SKAP2: variants seen among roughly 807,000 people sequenced by gnomAD.
The protein encoded by SKAP2 is src kinase associated phosphoprotein 2.
Under a neutral mutation model 54.9 loss-of-function variants are expected in SKAP2, and 28 were observed. That is an observed-to-expected ratio of 0.51 (90% confidence interval 0.38 to 0.70). The LOEUF is 0.70. SKAP2 is among the 30% of genes least tolerant of loss of function. SKAP2 has a pLI of 0.00. For missense variants in SKAP2, 356 were observed against 424.1 expected (o/e 0.84, Z 1.41); for synonymous variants, 137 against 134.3 (o/e 1.02, Z -0.14).
chr7:26,683,692 T>C (rs1318227600), intron 11 of SKAP2, among the ~76,000 whole-genome samples: 1 of 152,202 alleles, frequency 6.6e-6, no homozygotes, highest in Non-Finnish European at 1.5e-5. Context: ...AGAATTAGAT[T>C]ATCATCATTG....
downstream of SKAP2, among the ~76,000 whole-genome samples, chr7:26,663,955 G>C (rs904457221): frequency 2.0e-5 from 3 of 152,178 alleles, no homozygotes; most frequent in Admixed American, 6.6e-5. Context: ...TTCCTGACTA[G>C]TGAGCCAAAT....
intron 11 of SKAP2, among the ~76,000 whole-genome samples, chr7:26,679,550 A>G (rs1055894838): frequency 1.3e-5 from 2 of 152,230 alleles, no homozygotes; most frequent in Non-Finnish European, 2.9e-5. Context: ...TCTTCTTATC[A>G]AAAGGCTATA....
chr7:26,692,195 G>T (rs2237327), intron 9 of SKAP2, among the ~76,000 whole-genome samples: 1 of 89,740 alleles, frequency 1.1e-5, no homozygotes, highest in African/African-American at 6.7e-5. Flanking sequence ...GAGGAATGAG[G>T]GGGGGGAAAA....
rs1786177154 is a variant in SKAP2, at chr7:26,669,130, A to G, written c.*536T>C. On this transcript the variant is annotated 3_prime_UTR_variant, in exon 13 of 13. Coordinates refer to ENST00000345317, the MANE Select transcript of SKAP2 (RefSeq NM_003930.5). ...CTTAATAGGAATTAAATGTGTGAAA[A>G]TAAATAATAACAATAAAGTTATCTA... The G allele has an allele frequency of 6.6e-6, 1 of 152,200 alleles. No homozygotes were observed. Among genetic ancestry groups the G allele is most frequent in the African/African-American group, 2.4e-5 (1 of 41,448 alleles). 9.4% of individuals were successfully genotyped at this position (152,200 alleles called of 1,614,324 possible). A position where few individuals can be genotyped will look rare whatever the true frequency, so the allele number is the denominator to read the frequency against.
chr7:26,798,922 C>A (rs978404623), intron 4 of SKAP2, among the ~76,000 whole-genome samples: 1 of 151,024 alleles, frequency 6.6e-6, no homozygotes, highest in Non-Finnish European at 1.5e-5. Flanking sequence ...AACGGACACA[C>A]AAGACATAAA....
At chr7:26,748,760 A>G (rs565418715) in intron 4 of SKAP2, among the ~76,000 whole-genome samples, 21 of 152,274 alleles carry the variant, frequency 1.4e-4, no homozygotes, top group Non-Finnish European at 1.3e-4. Flanking sequence ...TTATAAAATT[A>G]AATATATACA....
intron 4 of SKAP2, among the ~76,000 whole-genome samples, chr7:26,790,495 G>C (rs1167810794): frequency 6.6e-6 from 1 of 152,132 alleles, no homozygotes; most frequent in African/African-American, 2.4e-5. Context: ...GAACAAACCA[G>C]TTTTCAGAAG....
intron 4 of SKAP2, among the ~76,000 whole-genome samples, chr7:26,833,470 G>A (rs887569015): frequency 2.0e-5 from 3 of 151,532 alleles, no homozygotes; most frequent in Non-Finnish European, 4.4e-5. Context: ...CTGTATTCAG[G>A]AGACCCATCT....
At chr7:26,729,797 T>G (rs1787784935) in intron 6 of SKAP2, among the ~76,000 whole-genome samples, 1 of 151,682 alleles carries the variant, frequency 6.6e-6, no homozygotes, top group African/African-American at 2.4e-5. Context: ...GGAAGAAGAG[T>G]AATAAATAAA....
chr7:26,678,405 G>C (rs971559750), intron 11 of SKAP2, among the ~76,000 whole-genome samples: 1 of 151,602 alleles, frequency 6.6e-6, no homozygotes, highest in Non-Finnish European at 1.5e-5. Context: ...AAGTATTTGA[G>C]GAATATAACA....
chr7:26,736,440 G>A lies in SKAP2; in HGVS notation c.469+2355C>T, dbSNP rs537015344. On this transcript the variant is annotated intron_variant, in intron 6 of 12. Coordinates refer to ENST00000345317, the MANE Select transcript of SKAP2 (RefSeq NM_003930.5). ...AGTTACCCTATATGGCTTAAAAAGG[G>A]GGAGAAACCCTCAGTTCTGAGAATT... Among the ~76,000 whole-genome samples the A allele has an allele frequency of 5.2e-4, 79 of 152,300 alleles. 1 individual carries two copies. The East Asian group carries it at 0.013, about 24-fold the overall frequency.
rs759760076 is a variant in SKAP2 at position 26,684,780 on chromosome 7, C to T, written c.943G>A (p.Glu315Lys). The T allele has an allele frequency of 1.2e-6, 2 of 1,612,872 alleles. No homozygotes were observed. Among genetic ancestry groups the T allele is most frequent in the Admixed American group, 1.7e-5 (1 of 59,976 alleles). The change falls in exon 11 of 13, where the codon GAG becomes AAG. Residue 315 changes from glutamate to lysine, a missense_variant. Physicochemically the swap from Glu to Lys is moderately conservative, Grantham distance 56. Transcript: ENST00000345317. The stretch of plus-strand genomic sequence containing the variant: ...ACATCACCACGCTTAAATGACAACT[C>T]ATCAGAAAAAGCTCCAGTACAATCC... Reference protein sequence around the residue: ...LWDCTGAFSDELSFKRGDVIY... With the variant: ...LWDCTGAFSDKLSFKRGDVIY...
At chr7:26,660,005 T>G in the SKAP2 span, among the ~76,000 whole-genome samples, 1 of 152,118 alleles carries the variant, frequency 6.6e-6, no homozygotes, top group Non-Finnish European at 1.5e-5. Context: ...AAACCCATGG[T>G]AATTGTTTTA....
intron 6 of SKAP2, among the ~76,000 whole-genome samples, 155 bp downstream of exon 6, chr7:26,738,640 T>A (rs1782362965): frequency 6.6e-6 from 1 of 152,192 alleles, no homozygotes; most frequent in Admixed American, 6.5e-5. Flanking sequence ...ATTTGTCAAA[T>A]AATGAAATGA....
chr7:26,817,388 T>A (rs1214557084), intron 4 of SKAP2, among the ~76,000 whole-genome samples: 1 of 152,076 alleles, frequency 6.6e-6, no homozygotes, highest in Admixed American at 6.6e-5. Context: ...ACGGACACTA[T>A]TAAAACTCAG....
At chr7:26,844,177 C>T (rs1784877543) in intron 3 of SKAP2, 40 bp from the exon 4 acceptor site, 9 of 1,214,036 alleles carry the variant, frequency 7.4e-6, no homozygotes, top group Non-Finnish European at 9.7e-6. Context: ...GCCTTTTATA[C>T]TTTAGCCATT....
intron 4 of SKAP2, among the ~76,000 whole-genome samples, chr7:26,798,770 A>T (rs1469611478): frequency 1.3e-5 from 2 of 152,024 alleles, no homozygotes; most frequent in African/African-American, 4.8e-5. Context: ...TTTTTGATGA[A>T]GTTAAGCTGT....
intron 4 of SKAP2, among the ~76,000 whole-genome samples, chr7:26,836,861 C>A (rs1784723502): frequency 6.6e-6 from 1 of 152,182 alleles, no homozygotes; most frequent in Non-Finnish European, 1.5e-5. Context: ...GATTATAAAT[C>A]ATTCTACTAT....
intron 4 of SKAP2, among the ~76,000 whole-genome samples, chr7:26,757,734 G>A (rs1782827097): frequency 6.6e-6 from 1 of 152,114 alleles, no homozygotes. Flanking sequence ...GCTTGATGGG[G>A]ATGGCATTGA....
Sources: allele counts gnomAD v4.1 joint callset (sites outside exome capture counted in the v4.1 genomes callset), GRCh38; gene constraint gnomAD v4.1.1; transcripts MANE v1.5; gene names NCBI Gene and HGNC (gene_info 2026-07-23, HGNC 2026-07-21).